The following IL1RAPL1 variants were observed in gnomAD, a reference collection of about 807,000 sequenced individuals.
IL1RAPL1 encodes the protein interleukin-1 receptor accessory protein-like 1.
IL1RAPL1 carries 3 observed loss-of-function variants against 48.4 expected under a neutral mutation model. The ratio of observed to expected loss-of-function variants is 0.06; its 90% CI spans 0.03 to 0.16. IL1RAPL1 has a LOEUF of 0.16. Among genes scored for constraint, IL1RAPL1 ranks in the 10% least tolerant of loss-of-function variants. The pLI is 1.00. For missense variants in IL1RAPL1, 349 were observed against 530.6 expected (o/e 0.66, Z 3.36); for synonymous variants, 185 against 187.7 (o/e 0.99, Z 0.12).
At chrX:29,244,697 A>G (rs993703467) in intron 2 of IL1RAPL1, among the ~76,000 whole-genome samples, 2 of 112,609 alleles carry the variant, frequency 1.8e-5, no homozygotes, top group Non-Finnish European at 3.7e-5. Context: ...TATTCACTGC[A>G]TGTATGCAAG....
intron 5 of IL1RAPL1, among the ~76,000 whole-genome samples, chrX:29,405,193 T>C (rs1050469281): frequency 1.5e-4 from 16 of 109,091 alleles, no homozygotes; most frequent in Non-Finnish European, 2.7e-4. Context: ...ATTACAGGCG[T>C]GAGCTACCGC....
chrX:28,612,419 G>A (rs758565335), intron 1 of IL1RAPL1, among the ~76,000 whole-genome samples: 2 of 111,955 alleles, frequency 1.8e-5, no homozygotes, highest in South Asian at 7.5e-4. Context: ...AAATTTTGGG[G>A]TGGCAGATAG....
chrX:29,498,589 A>T (rs1342240227), intron 5 of IL1RAPL1, among the ~76,000 whole-genome samples: 57 of 105,919 alleles, frequency 5.4e-4, no homozygotes, highest in South Asian at 4.0e-3. Flanking sequence ...TTTCTTTTTT[A>T]AAAAAAATTT....
At chrX:29,419,137 C>T (rs955795176) in intron 5 of IL1RAPL1, among the ~76,000 whole-genome samples, 3 of 111,498 alleles carry the variant, frequency 2.7e-5, no homozygotes, top group African/African-American at 6.5e-5. Flanking sequence ...ATCTTTAACC[C>T]AGATAGTTTG....
At chrX:29,674,096 T>C (rs1297710260) in intron 6 of IL1RAPL1, among the ~76,000 whole-genome samples, 1 of 111,880 alleles carries the variant, frequency 8.9e-6, no homozygotes, top group Non-Finnish European at 1.9e-5. Flanking sequence ...CTTTAAAAAC[T>C]GCTATCTACG....
intron 5 of IL1RAPL1, among the ~76,000 whole-genome samples, chrX:29,634,089 G>T (rs1019188053): frequency 7.2e-5 from 8 of 111,754 alleles, no homozygotes; most frequent in African/African-American, 2.6e-4. Flanking sequence ...GATGAGATAG[G>T]TTCAAGATTT....
chrX:28,616,608 A>G (rs1452470325), intron 1 of IL1RAPL1, among the ~76,000 whole-genome samples: 5 of 110,503 alleles, frequency 4.5e-5, no homozygotes, highest in Non-Finnish European at 7.6e-5. Flanking sequence ...TAATTTTTGT[A>G]TTTTTAGTAG....
intron 2 of IL1RAPL1, among the ~76,000 whole-genome samples, chrX:29,216,267 G>A (rs1342872205): frequency 9.0e-6 from 1 of 111,007 alleles, no homozygotes; most frequent in African/African-American, 3.3e-5. Flanking sequence ...ACAATTCGCT[G>A]TAGCCTCAAC....
intron 2 of IL1RAPL1, among the ~76,000 whole-genome samples, chrX:29,266,528 T>G (rs1931959621): frequency 9.0e-6 from 1 of 111,403 alleles, no homozygotes; most frequent in South Asian, 3.8e-4. Flanking sequence ...TTAACAGATA[T>G]ATGATGGGTT....
intron 2 of IL1RAPL1, among the ~76,000 whole-genome samples, chrX:28,874,695 A>G (rs938706587): frequency 1.8e-5 from 2 of 112,389 alleles, no homozygotes; most frequent in African/African-American, 3.2e-5. Flanking sequence ...AGCTGGCAGT[A>G]CAAGTGGTAC....
At chrX:29,783,050 G>A (rs1334434164) in intron 6 of IL1RAPL1, among the ~76,000 whole-genome samples, 4 of 105,395 alleles carry the variant, frequency 3.8e-5, no homozygotes, top group Non-Finnish European at 7.8e-5. Context: ...GACTACAGGC[G>A]CCTGCCACTA....
At chrX:28,962,210 T>C (rs1168374536) in intron 2 of IL1RAPL1, among the ~76,000 whole-genome samples, 3 of 112,191 alleles carry the variant, frequency 2.7e-5, no homozygotes, top group Non-Finnish European at 5.6e-5. Flanking sequence ...TGGTTCTCTA[T>C]TGGAAAACAT....
At chrX:28,668,600 T>C (rs985877883) in intron 1 of IL1RAPL1, among the ~76,000 whole-genome samples, 2 of 113,491 alleles carry the variant, frequency 1.8e-5, no homozygotes, top group Non-Finnish European at 3.7e-5. Context: ...CAGCTTTGTA[T>C]ATAAATAGCA....
At chrX:29,320,270 C>A (rs7881786) in intron 3 of IL1RAPL1, among the ~76,000 whole-genome samples, 4,251 of 111,462 alleles carry the variant, frequency 0.038, 194 homozygotes, top group African/African-American at 0.13. Flanking sequence ...AAAGGATACA[C>A]GACATTATTC....
intron 3 of IL1RAPL1, among the ~76,000 whole-genome samples, chrX:29,393,277 A>G (rs1933879122): frequency 9.0e-6 from 1 of 110,896 alleles, no homozygotes; most frequent in African/African-American, 3.3e-5. Flanking sequence ...GCCCGCCACC[A>G]CGCCCGGCTA....
At chrX:29,216,347 G>A (rs1425601930) in intron 2 of IL1RAPL1, among the ~76,000 whole-genome samples, 1 of 109,843 alleles carries the variant, frequency 9.1e-6, no homozygotes, top group Non-Finnish European at 1.9e-5. Context: ...GTGCCACCAC[G>A]CCTGGCTAAT....
intron 3 of IL1RAPL1, among the ~76,000 whole-genome samples, chrX:29,320,849 C>T (rs2147625315): frequency 9.1e-6 from 1 of 110,311 alleles, no homozygotes; most frequent in Admixed American, 9.7e-5. Flanking sequence ...TATTTAGGGC[C>T]TCATAATCAT....
intron 5 of IL1RAPL1, among the ~76,000 whole-genome samples, chrX:29,407,757 C>G (rs1934092636): frequency 8.9e-6 from 1 of 111,790 alleles, no homozygotes; most frequent in Non-Finnish European, 1.9e-5. Context: ...ACCGAATTGA[C>G]TGTAGGGAGG....
chrX:29,245,148 G>A (rs930139757), intron 2 of IL1RAPL1, among the ~76,000 whole-genome samples: 9 of 111,599 alleles, frequency 8.1e-5, no homozygotes, highest in African/African-American at 2.6e-4. Flanking sequence ...GTGTATGTGT[G>A]CCACATTTTC....
Sources: gnomAD v4.1 joint callset for allele counts (sites outside exome capture counted in the v4.1 genomes callset) on GRCh38, gnomAD v4.1.1 for gene constraint, MANE v1.5 for transcripts, NCBI Gene and HGNC (gene_info 2026-07-23, HGNC 2026-07-21) for gene names.